PDE4D: variants seen among roughly 807,000 people sequenced by gnomAD.
PDE4D encodes the protein phosphodiesterase 4D.
PDE4D carries 24 observed loss-of-function variants against 87.4 expected under a neutral mutation model. The ratio of observed to expected loss-of-function variants is 0.27; its 90% CI spans 0.20 to 0.39. The LOEUF (loss-of-function observed/expected upper bound fraction) is 0.39, where lower values mean the gene tolerates loss of function less well. Among genes scored for constraint, PDE4D ranks in the 10% least tolerant of loss-of-function variants. The pLI is 1.00. For missense variants in PDE4D, 714 were observed against 1,041.0 expected, an observed-to-expected ratio of 0.69 and a Z score of 4.32; for synonymous variants, 384 against 383.2, an observed-to-expected ratio of 1.00 and a Z score of -0.02.
At chr5:59,138,531 C>T (rs1581010568) in intron 5 of PDE4D, among the ~76,000 whole-genome samples, 1 of 152,138 alleles carries the variant, frequency 6.6e-6, no homozygotes, top group Non-Finnish European at 1.5e-5. Flanking sequence ...GTGATCCACC[C>T]GCCTCCCAAG....
At chr5:60,156,136 C>G (rs967077631) in intron 2 of PDE4D, among the ~76,000 whole-genome samples, 1 of 152,168 alleles carries the variant, frequency 6.6e-6, no homozygotes, top group Non-Finnish European at 1.5e-5. Context: ...CCTGGGCTAG[C>G]CACAGGATAA....
At chr5:59,949,191 G>A (rs1758018220) in intron 3 of PDE4D, among the ~76,000 whole-genome samples, 2 of 152,156 alleles carry the variant, frequency 1.3e-5, no homozygotes, top group South Asian at 4.1e-4. Flanking sequence ...CAGCACTTTG[G>A]GAGGCCAAGG....
At chr5:59,516,012 A>G (rs747700231) in intron 1 of PDE4D, among the ~76,000 whole-genome samples, 5 of 152,256 alleles carry the variant, frequency 3.3e-5, no homozygotes, top group Non-Finnish European at 7.3e-5. Context: ...CGGTGAAATA[A>G]AAAACTTGAA....
At position 59,707,944 on chromosome 5, in the gene PDE4D, A is replaced by C. The variant is rs868752427; in HGVS notation, c.455+185224T>G. On this transcript the variant is annotated intron_variant, in intron 1 of 14. Coordinates refer to ENST00000340635, the MANE Select transcript of PDE4D (RefSeq NM_001104631.2). ...ACCTGTGTATGTATCTTTGTAACAG[A>C]ATGATTTATATTCCTTTGAGTATAT... is the stretch of plus-strand genomic sequence containing the variant. Among the ~76,000 whole-genome samples the C allele has an allele frequency of 3.3e-5, 5 of 152,244 alleles. 1 individual carries two copies. The South Asian group carries it at 1.0e-3, about 32-fold the overall frequency.
At chr5:59,904,187 A>T (rs760515497) in intron 3 of PDE4D, among the ~76,000 whole-genome samples, 2 of 152,166 alleles carry the variant, frequency 1.3e-5, no homozygotes, top group African/African-American at 2.4e-5. Context: ...ATGCTTTACC[A>T]TGTGCATTTT....
chr5:59,675,546 C>T (rs73101121), intron 1 of PDE4D, among the ~76,000 whole-genome samples: 4,615 of 152,218 alleles, frequency 0.03, 236 homozygotes, highest in African/African-American at 0.11. Context: ...AACTCTTCTA[C>T]TTTATAGCCT....
chr5:60,314,060 T>C (rs1755298267), intron 1 of PDE4D, among the ~76,000 whole-genome samples: 2 of 151,986 alleles, frequency 1.3e-5, no homozygotes, highest in African/African-American at 2.4e-5. Context: ...ACTACTACTC[T>C]ATTCAACACA....
intron 1 of PDE4D, among the ~76,000 whole-genome samples, chr5:59,631,710 C>T (rs1831588365): frequency 6.6e-6 from 1 of 152,152 alleles, no homozygotes; most frequent in Non-Finnish European, 1.5e-5. Flanking sequence ...ACGAAGCTAC[C>T]CAGCCCAGAT....
chr5:59,115,187 G>A (rs1773387402), intron 5 of PDE4D, among the ~76,000 whole-genome samples: 1 of 152,028 alleles, frequency 6.6e-6, no homozygotes, highest in Non-Finnish European at 1.5e-5. Flanking sequence ...TAATATAGAA[G>A]AGCAATACAG....
At chr5:59,591,446 CCT>C (rs1481798652) in intron 1 of PDE4D, among the ~76,000 whole-genome samples, 2 of 152,044 alleles carry the variant, frequency 1.3e-5, no homozygotes, top group Non-Finnish European at 2.9e-5. Flanking sequence ...ATTGATTTTC[CCT>C]GAGTTTCACT....
chr5:59,514,850 C>A (rs1368690459), intron 1 of PDE4D, among the ~76,000 whole-genome samples: 10 of 152,114 alleles, frequency 6.6e-5, no homozygotes, highest in Admixed American at 6.5e-4. Flanking sequence ...AGGGTATACA[C>A]CTAATTCATT....
At chr5:60,028,546 A>T (rs1766895754) in intron 2 of PDE4D, among the ~76,000 whole-genome samples, 1 of 152,084 alleles carries the variant, frequency 6.6e-6, no homozygotes, top group South Asian at 2.1e-4. Context: ...TGTTCATTTC[A>T]CTCAACTCAA....
intron 1 of PDE4D, among the ~76,000 whole-genome samples, chr5:59,404,398 C>T (rs1325488004): frequency 6.6e-6 from 1 of 152,174 alleles, no homozygotes; most frequent in African/African-American, 2.4e-5. Context: ...GTGGCTCACA[C>T]CTGCAATCCA....
chr5:59,780,139 C>T (rs1764467967), intron 1 of PDE4D, among the ~76,000 whole-genome samples: 2 of 151,982 alleles, frequency 1.3e-5, no homozygotes, highest in South Asian at 2.1e-4. Context: ...CAAGGCAGGT[C>T]GATTACCTGA....
chr5:60,319,571 G>A (rs909719225), intron 1 of PDE4D, among the ~76,000 whole-genome samples: 1 of 152,156 alleles, frequency 6.6e-6, no homozygotes, highest in African/African-American at 2.4e-5. Flanking sequence ...CTGATTTTTA[G>A]TTTCCAGTTT....
At chr5:59,053,655 G>GTTTTTTTTTT (rs1367942598) in intron 5 of PDE4D, among the ~76,000 whole-genome samples, 2 of 74,898 alleles carry the variant, frequency 2.7e-5, no homozygotes, top group African/African-American at 1.1e-4. Flanking sequence ...GTTTTTTTTT[G>GTTTTTTTTTT]TTGTTGTTTT....
intron 1 of PDE4D, among the ~76,000 whole-genome samples, chr5:59,285,414 TGA>T (rs891370636): frequency 6.6e-6 from 1 of 152,118 alleles, no homozygotes; most frequent in Non-Finnish European, 1.5e-5. Context: ...TTTCAAAAAC[TGA>T]GTCTTGCCTC....
chr5:59,430,581 A>G, intron 1 of PDE4D: 1 of 427,084 alleles, frequency 2.3e-6, no homozygotes, highest in Non-Finnish European at 3.9e-6. Flanking sequence ...CTCGGAGGCT[A>G]AATGTACTAC....
intron 1 of PDE4D, among the ~76,000 whole-genome samples, chr5:60,255,258 G>A (rs1748920627): frequency 6.6e-6 from 1 of 151,826 alleles, no homozygotes; most frequent in African/African-American, 2.4e-5. Flanking sequence ...TCACTATGTG[G>A]GAGACTACCT....
Sources: allele counts gnomAD v4.1 joint callset (sites outside exome capture counted in the v4.1 genomes callset), GRCh38; gene constraint gnomAD v4.1.1; transcripts MANE v1.5; gene names NCBI Gene and HGNC (gene_info 2026-07-23, HGNC 2026-07-21).